EVA1A: variants seen among roughly 807,000 people sequenced by gnomAD.
EVA1A encodes protein eva-1 homolog A.
A neutral mutation model predicts 9.8 loss-of-function variants in EVA1A; 7 were observed. The observed-to-expected ratio is 0.71, with a 90% CI of 0.41 to 1.34. The LOEUF (loss-of-function observed/expected upper bound fraction) is 1.34, where lower values mean the gene tolerates loss of function less well. Among genes scored for constraint, EVA1A ranks in the 40% most tolerant of loss-of-function variants. The probability of loss-of-function intolerance (pLI) is 0.01; values close to 1 mark genes in which losing one functional copy is unlikely to be tolerated. For synonymous variants in EVA1A, 90 were observed against 85.6 expected, an observed-to-expected ratio of 1.05 and a Z score of -0.28; for missense variants, 206 against 205.9, an observed-to-expected ratio of 1.00 and a Z score of 0.00.
intron 2 of EVA1A, among the ~76,000 whole-genome samples, chr2:75,520,352 T>C (rs1273625142): frequency 6.6e-6 from 1 of 152,106 alleles, no homozygotes; most frequent in African/African-American, 2.4e-5. Flanking sequence ...CATACTGAAA[T>C]TCATATGGAA....
intron 3 of EVA1A, among the ~76,000 whole-genome samples, chr2:75,506,511 C>T (rs1047308391): frequency 5.3e-5 from 8 of 152,190 alleles, no homozygotes; most frequent in African/African-American, 1.9e-4. Flanking sequence ...TGGCATTTCT[C>T]AGCCCATGCA....
At chr2:75,565,265 C>A (rs1677004319), upstream of EVA1A, among the ~76,000 whole-genome samples, 1 of 152,178 alleles carries the variant, frequency 6.6e-6, no homozygotes, top group African/African-American at 2.4e-5. Flanking sequence ...GAATCAGAAT[C>A]TCTATGAGTA....
At position 75,521,078 on chromosome 2, in the gene EVA1A, T is replaced by C. The variant is rs191809111; in HGVS notation, c.-69+1287A>G. 1.3e-3 allele frequency among the ~76,000 whole-genome samples: 203 copies of C among 152,242 alleles called. 1 individual carries two copies. Among genetic ancestry groups the C allele is most frequent in the African/African-American group, 4.1e-3 (171 of 41,560 alleles). ...TTGAAGCAATATTTCTCCAAAGATA[T>C]ACAAGTAGTCAATAGGCACATGAAA... On this transcript the variant is annotated intron_variant, in intron 2 of 3. Transcript: ENST00000393913.
intron 1 of EVA1A, among the ~76,000 whole-genome samples, chr2:75,553,359 T>G (rs1468646125): frequency 6.6e-6 from 1 of 152,258 alleles, no homozygotes; most frequent in African/African-American, 2.4e-5. Context: ...CAGTTTACAG[T>G]AGGCTCTGGT....
At chr2:75,545,989 C>T (rs751448825) in intron 1 of EVA1A, among the ~76,000 whole-genome samples, 20 of 151,912 alleles carry the variant, frequency 1.3e-4, no homozygotes, top group African/African-American at 4.1e-4. Context: ...GAGAAAGACA[C>T]GATTTGAGAG....
At chr2:75,517,266 C>T (rs17011416) in intron 3 of EVA1A, among the ~76,000 whole-genome samples, 5,595 of 152,216 alleles carry the variant, frequency 0.037, 169 homozygotes, top group East Asian at 0.15. Context: ...AACTAGTCCT[C>T]GCCCAAAGGA....
intron 3 of EVA1A, among the ~76,000 whole-genome samples, chr2:75,499,162 C>T (rs577723056): frequency 6.6e-6 from 1 of 152,274 alleles, no homozygotes; most frequent in African/African-American, 2.4e-5. Context: ...TGGACTTGGC[C>T]TCCCTGGATT....
At chr2:75,534,502 T>TAAA (rs56043076) in intron 1 of EVA1A, among the ~76,000 whole-genome samples, 3 of 148,620 alleles carry the variant, frequency 2.0e-5, no homozygotes, top group African/African-American at 2.5e-5. Context: ...TTCAAGTAAC[T>TAAA]AAAAAAAGAA....
chr2:75,553,894 T>A (rs995681828), intron 1 of EVA1A, among the ~76,000 whole-genome samples: 7 of 152,212 alleles, frequency 4.6e-5, no homozygotes, highest in Admixed American at 4.6e-4. Context: ...CACTCTCAGG[T>A]TCATAGCGAC....
chr2:75,526,972 T>G (rs1251237714), intron 1 of EVA1A, among the ~76,000 whole-genome samples: 1 of 152,020 alleles, frequency 6.6e-6, no homozygotes, highest in Non-Finnish European at 1.5e-5. Context: ...TAATGCACAC[T>G]AAGAACCAAG....
chr2:75,533,378 C>T (rs1675748979), intron 1 of EVA1A, among the ~76,000 whole-genome samples: 1 of 152,062 alleles, frequency 6.6e-6, no homozygotes, highest in East Asian at 1.9e-4. Context: ...CCATACCCAG[C>T]AAAACTGCCC....
Position 75,528,640 on chromosome 2 carries a change from TC to T in EVA1A, c.-191-6154del, listed in dbSNP as rs536656144. Among the ~76,000 whole-genome samples, 431 of 152,202 alleles carry T rather than the reference TC, an allele frequency of 2.8e-3. 2 individuals are homozygous for T. Among genetic ancestry groups the T allele is most frequent in the African/African-American group, 0.01 (423 of 41,542 alleles). ...GGCACCACCCAAGAAGAGTCTGAGC[TC>T]AGACACACCTAGCCCTACTCCCACC... On this transcript the variant is annotated intron_variant, in intron 1 of 3. Coordinates refer to ENST00000393913, the MANE Select transcript of EVA1A (RefSeq NM_001135032.2).
At chr2:75,497,025 C>T (rs1450707841) in intron 3 of EVA1A, among the ~76,000 whole-genome samples, 1 of 152,158 alleles carries the variant, frequency 6.6e-6, no homozygotes, top group Non-Finnish European at 1.5e-5. Context: ...TTACCTTATA[C>T]AAAAATTAAC....
chr2:75,525,057 CACAT>C, intron 1 of EVA1A, among the ~76,000 whole-genome samples: 1 of 152,044 alleles, frequency 6.6e-6, no homozygotes, highest in Non-Finnish European at 1.5e-5. Flanking sequence ...TATATAAACA[CACAT>C]ACATATATAC....
intron 3 of EVA1A, among the ~76,000 whole-genome samples, chr2:75,509,089 C>T (rs566388590): frequency 2.5e-4 from 38 of 152,170 alleles, no homozygotes; most frequent in Admixed American, 1.8e-3. Flanking sequence ...CTGTGCAAAT[C>T]GAGGAACCCA....
At chr2:75,500,393 C>T (rs1444202181) in intron 3 of EVA1A, among the ~76,000 whole-genome samples, 1 of 152,116 alleles carries the variant, frequency 6.6e-6, no homozygotes, top group Non-Finnish European at 1.5e-5. Flanking sequence ...TTGTTTTTGT[C>T]TACATGTTTA....
intron 1 of EVA1A, among the ~76,000 whole-genome samples, chr2:75,539,147 A>C (rs570661132): frequency 1.3e-5 from 2 of 152,360 alleles, no homozygotes; most frequent in African/African-American, 4.8e-5. Context: ...ATCTTGAGAA[A>C]TATTGATCTA....
intron 1 of EVA1A, among the ~76,000 whole-genome samples, chr2:75,522,753 T>C (rs948208275): frequency 3.3e-5 from 5 of 152,196 alleles, no homozygotes; most frequent in African/African-American, 4.8e-5. Flanking sequence ...ACATGCTTCC[T>C]CTCTGCTCCT....
chr2:75,543,895 A>G (rs895265603), intron 1 of EVA1A, among the ~76,000 whole-genome samples: 1 of 152,222 alleles, frequency 6.6e-6, no homozygotes, highest in African/African-American at 2.4e-5. Context: ...CAATTTTCTT[A>G]CACCTTATTC....
Sources: gnomAD v4.1 joint callset for allele counts (sites outside exome capture counted in the v4.1 genomes callset) on GRCh38, gnomAD v4.1.1 for gene constraint, MANE v1.5 for transcripts, NCBI Gene and HGNC (gene_info 2026-07-23, HGNC 2026-07-21) for gene names.